Variants in NRCAM observed in about 807,000 individuals in gnomAD.
NRCAM encodes NgCAM-related cell adhesion molecule.
Under a neutral mutation model 156.5 loss-of-function variants are expected in NRCAM, and 83 were observed. That is an observed-to-expected ratio of 0.53 (90% confidence interval 0.44 to 0.64). NRCAM has a LOEUF of 0.64. NRCAM is among the 30% of genes least tolerant of loss of function. The pLI, the probability that NRCAM is intolerant of heterozygous loss-of-function variation, is 0.00. For synonymous variants in NRCAM, 538 were observed against 563.9 expected, an observed-to-expected ratio of 0.95 and a Z score of 0.65; for missense variants, 1,417 against 1,597.3, an observed-to-expected ratio of 0.89 and a Z score of 1.92.
At chr7:108,236,553 A>G (rs1275567060) in intron 5 of NRCAM, among the ~76,000 whole-genome samples, 1 of 152,118 alleles carries the variant, frequency 6.6e-6, no homozygotes, top group Admixed American at 6.5e-5. Flanking sequence ...TAACTTCTAT[A>G]AGTCCTAGTT....
Position 108,233,875 on chromosome 7 carries a change from G to A in NRCAM, c.230+708C>T, listed in dbSNP as rs191143791. 1.4e-4 allele frequency among the ~76,000 whole-genome samples: 22 copies of A among 152,230 alleles called. No individual in the cohort carries two copies. In the East Asian group the frequency reaches 4.1e-3, roughly 28 times the overall value. The stretch of plus-strand genomic sequence containing the variant: ...CATGTTACAGATCATCCGCTGTGGG[G>A]CCTTGAATAAGTTACTTAGCATTAC... On this transcript the variant is annotated intron_variant, in intron 6 of 32. Coordinates refer to ENST00000379028, the MANE Select transcript of NRCAM (RefSeq NM_001037132.4).
At chr7:108,303,718 G>A (rs2098669422) in intron 3 of NRCAM, among the ~76,000 whole-genome samples, 1 of 151,966 alleles carries the variant, frequency 6.6e-6, no homozygotes, top group Non-Finnish European at 1.5e-5. Flanking sequence ...GTTGGCCTCG[G>A]CTCTCCCAGA....
chr7:108,403,901 C>T (rs776929554), intron 1 of NRCAM, among the ~76,000 whole-genome samples: 45 of 152,182 alleles, frequency 3.0e-4, no homozygotes, highest in Non-Finnish European at 4.0e-4. Context: ...ATCTCAACTG[C>T]TTTTGTCTAA....
chr7:108,328,535 C>T (rs537646050), intron 2 of NRCAM: 27 of 152,166 alleles, frequency 1.8e-4, no homozygotes, highest in Non-Finnish European at 1.0e-4. Flanking sequence ...GCAATTGAAC[C>T]CTGCTGTGGC....
At chr7:108,345,823 G>A (rs1271607682) in intron 2 of NRCAM, among the ~76,000 whole-genome samples, 1 of 152,200 alleles carries the variant, frequency 6.6e-6, no homozygotes, top group Non-Finnish European at 1.5e-5. Flanking sequence ...AGCAGCCTGA[G>A]TGAATTAAGG....
intron 30 of NRCAM, among the ~76,000 whole-genome samples, chr7:108,163,357 T>C (rs1323039844): frequency 6.6e-6 from 1 of 152,206 alleles, no homozygotes; most frequent in East Asian, 1.9e-4. Context: ...GTAGGAGGTC[T>C]CTGAGGAAAA....
At chr7:108,397,672 A>G (rs1476794041) in intron 2 of NRCAM, among the ~76,000 whole-genome samples, 2 of 152,248 alleles carry the variant, frequency 1.3e-5, no homozygotes, top group Admixed American at 6.5e-5. Flanking sequence ...TTGACAAAAA[A>G]TCATGATTGA....
At chr7:108,453,187 C>T (rs553145485) in intron 1 of NRCAM, among the ~76,000 whole-genome samples, 4 of 152,286 alleles carry the variant, frequency 2.6e-5, no homozygotes, top group South Asian at 2.1e-4. Flanking sequence ...ATCTTTTTAA[C>T]GGAAAAGCTT....
intron 11 of NRCAM, among the ~76,000 whole-genome samples, chr7:108,222,177 TAAG>T (rs1204534845): frequency 6.6e-6 from 1 of 152,146 alleles, no homozygotes; most frequent in African/African-American, 2.4e-5. Flanking sequence ...GATATGAAGG[TAAG>T]AAGGAGATGG....
At chr7:108,251,080 A>AT (rs1464360546) in intron 3 of NRCAM, among the ~76,000 whole-genome samples, 1 of 152,164 alleles carries the variant, frequency 6.6e-6, no homozygotes, top group Non-Finnish European at 1.5e-5. Flanking sequence ...TAAACCTAGA[A>AT]TGACTGCCTC....
At chr7:108,177,949 A>T (rs1473893043) in intron 26 of NRCAM, 41 bp downstream of exon 26, 17 of 1,550,106 alleles carry the variant, frequency 1.1e-5, no homozygotes, top group East Asian at 2.3e-5. Flanking sequence ...TAAATAAAAT[A>T]AAAAAACATA....
chr7:108,304,147 T>A (rs972158648), intron 3 of NRCAM, among the ~76,000 whole-genome samples: 2 of 152,196 alleles, frequency 1.3e-5, no homozygotes, highest in African/African-American at 4.8e-5. Context: ...CTTTTACTAT[T>A]CAAATACCAT....
intron 3 of NRCAM, among the ~76,000 whole-genome samples, chr7:108,266,204 AGATAACACAG>A (rs2097097350): frequency 6.6e-6 from 1 of 152,230 alleles, no homozygotes; most frequent in Non-Finnish European, 1.5e-5. Context: ...GTGAGATAAC[AGATAACACAG>A]AAGCCATGTG....
chr7:108,149,865 G>A lies in NRCAM; in HGVS notation c.*45C>T, dbSNP rs1205464214. The A allele has an allele frequency of 1.3e-6, 2 of 1,506,530 alleles. No homozygotes were observed. The highest frequency in any genetic ancestry group is 1.8e-6 in the Non-Finnish European group (2 of 1,099,248). The allele number at this position is 1,506,530 out of a possible 1,614,324, so 93.3% of individuals were successfully genotyped here. On this transcript the variant is annotated 3_prime_UTR_variant, in exon 33 of 33. Coordinates refer to ENST00000379028, the MANE Select transcript of NRCAM (RefSeq NM_001037132.4). ...AGAGGGCTGACAAACAAGTGCTTAG[G>A]ATAAACATTCTAGAGAAATGGAATA...
In NRCAM at chr7:108,391,146, T is replaced by A. The variant is rs562380273; in HGVS notation, c.-174+8290A>T. On this transcript the variant is annotated intron_variant, in intron 2 of 32. Transcript: ENST00000379028. ...ATATCCCTATTAACTTTCTGTCTTG[T>A]TGATCTGTCTAATGTTGACAGTGGG... 3.9e-5 allele frequency among the ~76,000 whole-genome samples: 6 copies of A among 152,216 alleles called. No homozygotes were observed. In the South Asian group the frequency reaches 1.2e-3, roughly 32 times the overall value.
intron 8 of NRCAM, among the ~76,000 whole-genome samples, chr7:108,226,639 C>CT (rs898338422): frequency 3.3e-5 from 5 of 151,760 alleles, no homozygotes; most frequent in Admixed American, 6.6e-5. Context: ...ACAGTGAAAT[C>CT]TTTTTTTAAG....
intron 1 of NRCAM, among the ~76,000 whole-genome samples, chr7:108,424,517 T>G (rs868666192): frequency 1.2e-4 from 19 of 152,208 alleles, no homozygotes; most frequent in African/African-American, 4.3e-4. Context: ...AAAGGGGCAC[T>G]TTACACAAAA....
chr7:108,187,173 A>C (rs1414964500), intron 20 of NRCAM, among the ~76,000 whole-genome samples: 1 of 152,190 alleles, frequency 6.6e-6, no homozygotes, highest in African/African-American at 2.4e-5. Flanking sequence ...TAGACAAGCC[A>C]GAGTTATTCA....
chr7:108,299,185 G>T (rs938544503), intron 3 of NRCAM, among the ~76,000 whole-genome samples: 1 of 145,862 alleles, frequency 6.9e-6, no homozygotes, highest in Non-Finnish European at 1.5e-5. Context: ...GGGTGAGGAC[G>T]CAAAGGGGCC....
Sources: gnomAD v4.1 joint callset for allele counts (sites outside exome capture counted in the v4.1 genomes callset) on GRCh38, gnomAD v4.1.1 for gene constraint, MANE v1.5 for transcripts, NCBI Gene and HGNC (gene_info 2026-07-23, HGNC 2026-07-21) for gene names.